The following APOBEC1 variants were observed in gnomAD, a reference collection of about 807,000 sequenced individuals.
APOBEC1 encodes the protein apolipoprotein B mRNA editing enzyme catalytic subunit 1.
APOBEC1 carries 22 observed loss-of-function variants against 26.3 expected under a neutral mutation model. That is an observed-to-expected ratio of 0.84 (90% confidence interval 0.60 to 1.19). The LOEUF is 1.19. APOBEC1 is among the 50% of genes most tolerant of loss of function. APOBEC1 has a pLI of 0.00. For missense variants in APOBEC1, 253 were observed against 289.0 expected, an observed-to-expected ratio of 0.88 and a Z score of 0.90; for synonymous variants, 77 against 95.3, an observed-to-expected ratio of 0.81 and a Z score of 1.12.
chr12:7,660,410 A>AAGAAAGAAAGAAAGAGAGAG (rs111744018), intron 1 of APOBEC1, among the ~76,000 whole-genome samples: 24 of 84,258 alleles, frequency 2.8e-4, no homozygotes, highest in African/African-American at 9.2e-4. Context: ...GAAAGAAAGA[A>AAGAAAGAAAGAAAGAGAGAG]AGAGAGGGTA....
intron 1 of APOBEC1, among the ~76,000 whole-genome samples, chr12:7,658,958 G>GA (rs35834174): frequency 0.8 from 103,058 of 128,942 alleles, 41,733 homozygotes; most frequent in Middle Eastern, 0.93. Context: ...CATGTCAAAA[G>GA]AAAAAAAAAA....
At chr12:7,662,612 T>C (rs1863835622) in intron 1 of APOBEC1, among the ~76,000 whole-genome samples, 1 of 151,802 alleles carries the variant, frequency 6.6e-6, no homozygotes, top group Non-Finnish European at 1.5e-5. Context: ...AGAAAAGTAC[T>C]GGAAGGAGAC....
chr12:7,668,664 A>G (rs1005492418), upstream of APOBEC1, among the ~76,000 whole-genome samples: 1 of 152,154 alleles, frequency 6.6e-6, no homozygotes, highest in Non-Finnish European at 1.5e-5. Flanking sequence ...AAAAATGTAT[A>G]CATACACTTA....
chr12:7,660,376 G>GAAGGAAGGAAGGAAAGAA, intron 1 of APOBEC1, among the ~76,000 whole-genome samples: 1 of 60,982 alleles, frequency 1.6e-5, no homozygotes, highest in Non-Finnish European at 4.1e-5. Context: ...AGGAAGGAAG[G>GAAGGAAGGAAGGAAAGAA]AAAGAAAGAA....
At chr12:7,653,028 C>G in intron 2 of APOBEC1, among the ~76,000 whole-genome samples, 193 bp from the exon 3 acceptor site, 1 of 152,104 alleles carries the variant, frequency 6.6e-6, no homozygotes, top group East Asian at 1.9e-4. Flanking sequence ...CTCCCAGGTT[C>G]AAGCGATTTT....
In APOBEC1 at chr12:7,652,526, C is replaced by CCGAGCTA; in HGVS notation, c.347_353dup (p.Leu119SerfsTer20). On this transcript the variant is annotated frameshift_variant, in exon 3 of 5. Coordinates refer to ENST00000229304, the MANE Select transcript of APOBEC1 (RefSeq NM_001644.5). LOFTEE classifies it high-confidence loss of function. Reference sequence around the variant, plus strand: ...TTTGTTGATCCATGTGCCAAAAAAGCCGAGCTACGTAGATCACTAGAGTCA... The same window carrying CCGAGCTA: ...TTTGTTGATCCATGTGCCAAAAAAGCCGAGCTACGAGCTACGTAGATCACTAGAGTCA... 1 of 1,614,174 alleles carries CCGAGCTA rather than the reference C, an allele frequency of 6.2e-7. No homozygotes were observed. Among genetic ancestry groups the CCGAGCTA allele is most frequent in the Non-Finnish European group, 8.5e-7 (1 of 1,180,030 alleles).
upstream of APOBEC1, among the ~76,000 whole-genome samples, chr12:7,669,478 A>G (rs1368425919): frequency 6.6e-6 from 1 of 152,196 alleles, no homozygotes; most frequent in Non-Finnish European, 1.5e-5. Flanking sequence ...TTCTTTGTGT[A>G]AACATGTCTC....
chr12:7,656,041 T>C (rs1007843361), intron 1 of APOBEC1, among the ~76,000 whole-genome samples: 1 of 152,136 alleles, frequency 6.6e-6, no homozygotes, highest in East Asian at 1.9e-4. Context: ...CTCTCTGTGT[T>C]GCCCAGGTTG....
intron 1 of APOBEC1, among the ~76,000 whole-genome samples, chr12:7,655,445 G>T (rs1460203326): frequency 6.6e-6 from 1 of 152,016 alleles, no homozygotes; most frequent in Non-Finnish European, 1.5e-5. Context: ...AACCCAGGAG[G>T]TGGAGGTTGC....
At chr12:7,659,917 C>T (rs1434940267) in intron 1 of APOBEC1, among the ~76,000 whole-genome samples, 4 of 150,768 alleles carry the variant, frequency 2.7e-5, no homozygotes, top group African/African-American at 7.3e-5. Context: ...TGCAGTGAGC[C>T]GAGATCAAGC....
Position 7,652,547 on chromosome 12 carries a change from A to C in APOBEC1, c.333T>G (p.Thr111=), listed in dbSNP as rs1283101196. The C allele has an allele frequency of 6.2e-7, 1 of 1,614,224 alleles. No individual in the cohort carries two copies. The highest frequency in any genetic ancestry group is 1.1e-5 in the South Asian group (1 of 91,084). Residue 111 remains threonine, a synonymous_variant, in exon 3 of 5, where the codon ACT becomes ACG. Coordinates refer to ENST00000229304, the MANE Select transcript of APOBEC1 (RefSeq NM_001644.5). The part of the protein sequence containing the change: ...REFLSRHPGV[T]LVIYVARLFW... ...AAAGCCGAGCTACGTAGATCACTAG[A>C]GTCACACCAGGGTGCCGACTCAGAA...
At chr12:7,655,608 A>C (rs1341737248) in intron 1 of APOBEC1, among the ~76,000 whole-genome samples, 1 of 152,122 alleles carries the variant, frequency 6.6e-6, no homozygotes. Flanking sequence ...GACAGCTTTG[A>C]GGGGCCTCAC....
chr12:7,668,633 C>T (rs1054108680), upstream of APOBEC1, among the ~76,000 whole-genome samples: 1 of 152,090 alleles, frequency 6.6e-6, no homozygotes, highest in Non-Finnish European at 1.5e-5. Flanking sequence ...CTGTCCTGCA[C>T]CTGAAAATTT....
At chr12:7,652,200 C>T (rs1376558023) in intron 3 of APOBEC1, among the ~76,000 whole-genome samples, 2 of 152,222 alleles carry the variant, frequency 1.3e-5, no homozygotes, top group African/African-American at 4.8e-5. Flanking sequence ...TCAAGTGATC[C>T]TCCTGCCTTG....
chr12:7,660,412 G>GAAAGAAAGAAAGAAAGAAAGAAAGAT (rs201225005), intron 1 of APOBEC1, among the ~76,000 whole-genome samples: 1 of 122,102 alleles, frequency 8.2e-6, no homozygotes, highest in Non-Finnish European at 1.9e-5. Flanking sequence ...AAGAAAGAAA[G>GAAAGAAAGAAAGAAAGAAAGAAAGAT]AGAGGGTATT....
rs6144603 is a variant in APOBEC1 at position 7,657,043 on chromosome 12, C to CGTGTGTGTGT, written c.17-2421_17-2412dup. On this transcript the variant is annotated intron_variant, in intron 1 of 4. Transcript: ENST00000229304. ...TTGGTGTCCTAGTGTGTTGTATATA[C>CGTGTGTGTGT]GTGTGTGTGTGTGTGTGTGTGTGTG... 4.7e-3 allele frequency among the ~76,000 whole-genome samples: 698 copies of CGTGTGTGTGT among 148,754 alleles called. 4 individuals carry two copies. Among genetic ancestry groups the CGTGTGTGTGT allele is most frequent in the South Asian group, 0.014 (64 of 4,632 alleles).
upstream of APOBEC1, among the ~76,000 whole-genome samples, chr12:7,667,615 T>C (rs1426226670): frequency 6.6e-6 from 1 of 151,944 alleles, no homozygotes; most frequent in African/African-American, 2.4e-5. Context: ...AGAATCATTG[T>C]AGAATAAAAG....
intron 1 of APOBEC1, among the ~76,000 whole-genome samples, chr12:7,658,553 A>G (rs1397472108): frequency 1.3e-5 from 2 of 152,184 alleles, no homozygotes; most frequent in Non-Finnish European, 2.9e-5. Context: ...TCTCAGAGTC[A>G]GTGGCATGAA....
chr12:7,659,322 A>AAAAT (rs1555094633), intron 1 of APOBEC1, among the ~76,000 whole-genome samples: 13 of 46,286 alleles, frequency 2.8e-4, no homozygotes, highest in Admixed American at 8.8e-4. Flanking sequence ...AAAAAAAAAA[A>AAAAT]ATATATATAT....
Sources: allele counts gnomAD v4.1 joint callset (sites outside exome capture counted in the v4.1 genomes callset), GRCh38; gene constraint gnomAD v4.1.1; transcripts MANE v1.5; gene names NCBI Gene and HGNC (gene_info 2026-07-23, HGNC 2026-07-21).